Variants in OPRM1 observed in about 807,000 individuals in gnomAD.
OPRM1 encodes opioid receptor mu 1.
A neutral mutation model predicts 31.8 loss-of-function variants in OPRM1; 27 were observed. The ratio of observed to expected loss-of-function variants is 0.85; its 90% CI spans 0.63 to 1.17. OPRM1 has a LOEUF of 1.17. OPRM1 is among the 50% of genes most tolerant of loss of function. OPRM1 has a pLI of 0.00. For missense variants in OPRM1, 536 were observed against 511.1 expected (o/e 1.05, Z -0.47); for synonymous variants, 196 against 189.9 (o/e 1.03, Z -0.26).
At chr6:154,015,461 A>G (rs1045463173) in intron 1 of OPRM1, among the ~76,000 whole-genome samples, 1 of 152,100 alleles carries the variant, frequency 6.6e-6, no homozygotes, top group Non-Finnish European at 1.5e-5. Context: ...CCATATGGAA[A>G]AAGACAAAAA....
intron 3 of OPRM1, chr6:154,212,882 GT>G (rs1345331642): frequency 1.4e-6 from 2 of 1,465,238 alleles, no homozygotes; most frequent in Non-Finnish European, 1.9e-6. Flanking sequence ...AATGCTTAAT[GT>G]TTTAACGCTG....
chr6:154,077,693 T>C (rs1371766700), intron 1 of OPRM1, among the ~76,000 whole-genome samples: 1 of 151,940 alleles, frequency 6.6e-6, no homozygotes, highest in East Asian at 2.0e-4. Context: ...CTAGCACCAC[T>C]GCACTCCAGC....
intron 1 of OPRM1, among the ~76,000 whole-genome samples, chr6:154,018,949 AC>A (rs1347700823): frequency 6.6e-6 from 1 of 150,960 alleles, no homozygotes; most frequent in Non-Finnish European, 1.5e-5. Context: ...TAACAATATT[AC>A]TTTTTTTTAT....
At chr6:154,099,224 G>T (rs930232250) in intron 3 of OPRM1, among the ~76,000 whole-genome samples, 3 of 151,678 alleles carry the variant, frequency 2.0e-5, no homozygotes, top group Admixed American at 2.0e-4. Context: ...AGTTGAGGCT[G>T]CAATGAGCAG....
In OPRM1 at chr6:154,125,587, T is replaced by G. The variant is rs676252; in HGVS notation, c.*6866T>G. 0.17 allele frequency among the ~76,000 whole-genome samples: 26,518 copies of G among 152,202 alleles called. 2,895 individuals are homozygous for G. The highest frequency in any genetic ancestry group is 0.25 in the Non-Finnish European group (17,016 of 67,986). On this transcript the variant is annotated 3_prime_UTR_variant, in exon 4 of 4. Transcript: ENST00000330432. ...ATTGTCACATGCACTGTAATAGGAA[T>G]GTTTAGCAAAAAAAACCTTCCAGAG...
Position 154,022,392 on chromosome 6 carries a change from G to A in OPRM1, c.-1+11374G>A, listed in dbSNP as rs73788956. Among the ~76,000 whole-genome samples the A allele has an allele frequency of 7.6e-3, 984 of 128,790 alleles. 15 individuals carry two copies. Among genetic ancestry groups the A allele is most frequent in the African/African-American group, 0.035 (895 of 25,524 alleles). The allele number at this position is 128,790 out of a possible 152,430, so 84.5% of individuals were successfully genotyped here. A position where few individuals can be genotyped will look rare whatever the true frequency, so the allele number is the denominator to read the frequency against. ...CTCTGCTCCACGCCCCGTGGCTTCC[G>A]CCCTTCCTTCCAGAGCAGGGGCCTG... is the stretch of plus-strand genomic sequence containing the variant. On this transcript the variant is annotated intron_variant, in intron 1 of 5. Transcript: ENST00000434900.
intron 3 of OPRM1, among the ~76,000 whole-genome samples, chr6:154,238,753 C>A (rs1017134055): frequency 6.6e-6 from 1 of 151,820 alleles, no homozygotes; most frequent in East Asian, 1.9e-4. Context: ...ACCATGTTGA[C>A]CAAACTGGTC....
chr6:154,166,229 G>A (rs536767257), intron 3 of OPRM1, among the ~76,000 whole-genome samples: 7 of 152,328 alleles, frequency 4.6e-5, no homozygotes, highest in South Asian at 2.1e-4. Flanking sequence ...CACCAATGAC[G>A]AGGTCACAGA....
Position 154,124,985 on chromosome 6 carries a change from A to G in OPRM1, c.*6264A>G, listed in dbSNP as rs1797506105. On this transcript the variant is annotated 3_prime_UTR_variant, in exon 4 of 4. Coordinates refer to ENST00000330432, the MANE Select transcript of OPRM1 (RefSeq NM_000914.5). ...TTCTGTAGAATCTCTCAGACCAGGTACAGGACCTACCAAAGGCCACAGCCA... is the reference window on the plus strand; with the variant it reads ...TTCTGTAGAATCTCTCAGACCAGGTGCAGGACCTACCAAAGGCCACAGCCA... Among the ~76,000 whole-genome samples, 1 of 152,218 alleles carries G rather than the reference A, an allele frequency of 6.6e-6. No homozygotes were observed. Among genetic ancestry groups the G allele is most frequent in the African/African-American group, 2.4e-5 (1 of 41,442 alleles).
At chr6:154,198,929 G>A (rs1351885055) in intron 3 of OPRM1, among the ~76,000 whole-genome samples, 3 of 152,112 alleles carry the variant, frequency 2.0e-5, no homozygotes, top group Non-Finnish European at 4.4e-5. Context: ...TCAGGTAAGC[G>A]TGTTTTACAG....
intron 3 of OPRM1, among the ~76,000 whole-genome samples, chr6:154,144,013 C>G (rs1351779615): frequency 6.6e-6 from 1 of 151,986 alleles, no homozygotes; most frequent in Non-Finnish European, 1.5e-5. Context: ...CTGCAGATAT[C>G]AAAAGGATAA....
chr6:154,111,026 T>A (rs982352859), intron 3 of OPRM1, among the ~76,000 whole-genome samples: 1 of 152,124 alleles, frequency 6.6e-6, no homozygotes, highest in East Asian at 1.9e-4. Context: ...GAAAGAAAGA[T>A]GTATTATATT....
At chr6:154,010,841 T>C (rs1431746318) in exon 1 of OPRM1, 29 of 1,353,708 alleles carry the variant, frequency 2.1e-5, no homozygotes, top group Non-Finnish European at 2.8e-5. Context: ...TTTCCTGTAA[T>C]TGCAGCCCCT....
chr6:154,157,928 C>T (rs1342665438), intron 3 of OPRM1: 1 of 152,280 alleles, frequency 6.6e-6, no homozygotes, highest in Non-Finnish European at 1.5e-5. Flanking sequence ...TGTCAGGTCA[C>T]CACAGGTCAA....
intron 3 of OPRM1, among the ~76,000 whole-genome samples, chr6:154,245,371 G>C (rs2128641261): frequency 6.6e-6 from 1 of 152,242 alleles, no homozygotes; most frequent in Admixed American, 6.5e-5. Flanking sequence ...AATAAGTTTG[G>C]GGGCAGAGCA....
chr6:154,148,966 G>A (rs974382047), intron 3 of OPRM1, among the ~76,000 whole-genome samples: 2 of 152,128 alleles, frequency 1.3e-5, no homozygotes, highest in Non-Finnish European at 2.9e-5. Flanking sequence ...TGTGGCCCCT[G>A]TATACAATTT....
At position 154,039,802 on chromosome 6, in the gene OPRM1, C is replaced by A; in HGVS notation, c.258C>A (p.Phe86Leu). 6.3e-7 allele frequency: 1 copy of A among 1,595,584 alleles called. No homozygotes were observed. Among genetic ancestry groups the A allele is most frequent in the South Asian group, 1.1e-5 (1 of 90,468 alleles). The change falls in exon 1 of 4, where the codon TTC becomes TTA. Residue 86 changes from phenylalanine to leucine, a missense_variant. By Grantham distance (22) the Phe-to-Leu change is conservative (BLOSUM62 0). Transcript: ENST00000330432. ...LYSIVCVVGL[F>L]GNFLVMYVIV... Reference sequence around the variant, plus strand: ...CCATCGTGTGCGTGGTGGGGCTCTTCGGAAACTTCCTGGTCATGTATGTGA... The same window carrying A: ...CCATCGTGTGCGTGGTGGGGCTCTTAGGAAACTTCCTGGTCATGTATGTGA...
At chr6:154,059,418 T>C (rs983814489) in intron 1 of OPRM1, among the ~76,000 whole-genome samples, 4 of 152,220 alleles carry the variant, frequency 2.6e-5, no homozygotes, top group Non-Finnish European at 5.9e-5. Context: ...AATGTGTGAC[T>C]AGTGAGTGCT....
intron 3 of OPRM1, among the ~76,000 whole-genome samples, chr6:154,196,050 A>G (rs1018537962): frequency 6.6e-6 from 1 of 152,110 alleles, no homozygotes; most frequent in Non-Finnish European, 1.5e-5. Context: ...TCGGCCTCAC[A>G]AAGTGCTGGG....
Sources: allele counts gnomAD v4.1 joint callset (sites outside exome capture counted in the v4.1 genomes callset), GRCh38; gene constraint gnomAD v4.1.1; transcripts MANE v1.5; gene names NCBI Gene and HGNC (gene_info 2026-07-23, HGNC 2026-07-21).